The following KIAA1671 variants were observed in gnomAD, a reference collection of about 807,000 sequenced individuals.
KIAA1671 encodes the protein KIAA1671.
KIAA1671 carries 52 observed loss-of-function variants against 131.2 expected under a neutral mutation model. The ratio of observed to expected loss-of-function variants is 0.40; its 90% confidence interval spans 0.32 to 0.50. The LOEUF is 0.50. KIAA1671 is among the 20% of genes least tolerant of loss of function. KIAA1671 has a pLI of 0.73. For missense variants in KIAA1671, 2,360 were observed against 2,364.2 expected, an observed-to-expected ratio of 1.00 and a Z score of 0.04; for synonymous variants, 1,003 against 961.6, an observed-to-expected ratio of 1.04 and a Z score of -0.80.
chr22:25,020,371 C>T (rs1195345190), intron 1 of KIAA1671, among the ~76,000 whole-genome samples: 3 of 152,154 alleles, frequency 2.0e-5, no homozygotes, highest in East Asian at 1.9e-4. Flanking sequence ...TGAATATTGC[C>T]GAATTGCTTT....
Position 25,040,814 on chromosome 22 carries a change from G to A in KIAA1671, c.3684G>A (p.Glu1228=). The A allele has an allele frequency of 6.4e-7, 1 of 1,551,702 alleles. No homozygotes were observed. The highest frequency in any genetic ancestry group is 8.7e-7 in the Non-Finnish European group (1 of 1,146,996). Residue 1228 remains glutamate, a synonymous_variant, in exon 5 of 13, where the codon GAG becomes GAA. Transcript: ENST00000358431. ...EAQERRSPTV[E]PSTLPRERPV... is the part of the protein sequence containing the mutation. ...AGGAGAGGAGGAGTCCCACCGTGGA[G>A]CCCAGTACGTTGCCTCGGGAGAGGC...
chr22:25,028,914 A>T lies in KIAA1671; in HGVS notation c.915A>T (p.Gly305=). Residue 305 remains glycine (G), a synonymous_variant, in exon 3 of 13, where the codon GGA becomes GGT. Transcript: ENST00000358431. The stretch of plus-strand genomic sequence containing the variant: ...TGCTGAGGAAGGTGGCCGATGAAGG[A>T]AGTGGACCCACAGCAGGGGATATGG... ...EALLRKVADE[G]SGPTAGDMAG... is the part of the protein sequence containing the mutation. The T allele has an allele frequency of 6.4e-7, 1 of 1,551,596 alleles. No individual in the cohort carries two copies. Among genetic ancestry groups the T allele is most frequent in the Non-Finnish European group, 8.7e-7 (1 of 1,146,974 alleles).
intron 4 of KIAA1671, among the ~76,000 whole-genome samples, chr22:25,038,202 A>G (rs1926720632): frequency 6.6e-6 from 1 of 151,742 alleles, no homozygotes; most frequent in Non-Finnish European, 1.5e-5. Flanking sequence ...AGGTCTCACT[A>G]TTTTGCCCAG....
chr22:24,977,582 G>A (rs1041778747), intron 1 of KIAA1671, among the ~76,000 whole-genome samples: 12 of 152,180 alleles, frequency 7.9e-5, no homozygotes, highest in Non-Finnish European at 1.2e-4. Flanking sequence ...GCCCACCCTG[G>A]GGCTCCAAAG....
chr22:25,095,203 C>T (rs1002752061), intron 6 of KIAA1671, among the ~76,000 whole-genome samples: 14 of 152,166 alleles, frequency 9.2e-5, no homozygotes, highest in African/African-American at 3.4e-4. Context: ...AGGTACCATC[C>T]AGTTCACTCT....
intron 1 of KIAA1671, among the ~76,000 whole-genome samples, chr22:24,987,455 G>A (rs569984540): frequency 1.3e-5 from 2 of 152,092 alleles, no homozygotes; most frequent in Admixed American, 1.3e-4. Flanking sequence ...ACAGGTGTGA[G>A]CCACTGCGCC....
intron 1 of KIAA1671, among the ~76,000 whole-genome samples, chr22:25,019,680 A>T (rs1408812717): frequency 1.2e-4 from 14 of 112,822 alleles, no homozygotes; most frequent in Non-Finnish European, 7.2e-5. Flanking sequence ...CATGACCTTG[A>T]ATACAAAAAA....
chr22:25,060,281 C>G (rs1160295403), intron 6 of KIAA1671: 1 of 152,264 alleles, frequency 6.6e-6, no homozygotes, highest in Non-Finnish European at 1.5e-5. Context: ...TGCCTGAGTT[C>G]AAGTGATTCT....
chr22:25,050,406 A>G (rs1927473652), intron 6 of KIAA1671: 1 of 152,218 alleles, frequency 6.6e-6, no homozygotes, highest in East Asian at 1.9e-4. Flanking sequence ...CAGGGCTCCT[A>G]AGGCAGCGAC....
At position 25,173,458 on chromosome 22, in the gene KIAA1671, C is replaced by T. The variant is rs1346617543; in HGVS notation, c.4650-782C>T. Among the ~76,000 whole-genome samples, 4 of 152,126 alleles carry T rather than the reference C, an allele frequency of 2.6e-5. No homozygotes were observed. The South Asian group carries it at 6.2e-4, about 24-fold the overall frequency. On this transcript the variant is annotated intron_variant, in intron 7 of 12. Coordinates refer to ENST00000358431, the MANE Select transcript of KIAA1671 (RefSeq NM_001145206.2). ...AATAAGTGAATGAAATAATGCAGGT[C>T]CCACCACCTGCTCTTCCATAGGTAA... is the stretch of plus-strand genomic sequence containing the variant.
At chr22:25,004,529 G>T (rs1371114986) in intron 1 of KIAA1671, among the ~76,000 whole-genome samples, 2 of 152,176 alleles carry the variant, frequency 1.3e-5, no homozygotes, top group African/African-American at 4.8e-5. Flanking sequence ...ACAGTGAAAA[G>T]TCTCTCTCCC....
intron 5 of KIAA1671, among the ~76,000 whole-genome samples, chr22:25,046,792 A>C (rs1000076541): frequency 6.6e-6 from 1 of 152,178 alleles, no homozygotes; most frequent in African/African-American, 2.4e-5. Flanking sequence ...GGAGTAACAC[A>C]GGGAATCCTA....
At chr22:25,055,342 CAG>C (rs1927777230) in intron 6 of KIAA1671, 1 of 149,772 alleles carries the variant, frequency 6.7e-6, no homozygotes, top group Non-Finnish European at 1.5e-5. Context: ...AGTTGGTTGA[CAG>C]CGAGTCCAAA....
chr22:24,962,264 G>A lies in KIAA1671; in HGVS notation c.-208+9492G>A, dbSNP rs188347372. On this transcript the variant is annotated intron_variant, in intron 1 of 12. Transcript: ENST00000358431. Reference sequence around the variant, plus strand: ...TTGTGGGCCACGTGACTTTTGATCAGCCTCATCACATCCCTCAGCCTCAGT... The same window carrying A: ...TTGTGGGCCACGTGACTTTTGATCAACCTCATCACATCCCTCAGCCTCAGT... Among the ~76,000 whole-genome samples, 13 of 152,286 alleles carry A rather than the reference G, an allele frequency of 8.5e-5. No homozygotes were observed. The East Asian group carries it at 2.5e-3, about 29-fold the overall frequency.
chr22:25,157,767 C>T lies in KIAA1671; in HGVS notation c.4531-13053C>T, dbSNP rs1933293067. On this transcript the variant is annotated intron_variant, in intron 6 of 12. Transcript: ENST00000358431. ...TTGCACCTAAATGTATCACACAGGC[C>T]ACCCCAGTTTCACTGTCAGCACACT... Among the ~76,000 whole-genome samples the T allele has an allele frequency of 2.0e-5, 3 of 151,968 alleles. No homozygotes were observed. The South Asian group carries it at 6.2e-4, about 32-fold the overall frequency.
At chr22:25,183,415 T>C (rs1252919378) in intron 10 of KIAA1671, among the ~76,000 whole-genome samples, 1 of 151,152 alleles carries the variant, frequency 6.6e-6, no homozygotes, top group Non-Finnish European at 1.5e-5. Flanking sequence ...TTAGAGGTTT[T>C]CTGACTTTCT....
intron 1 of KIAA1671, among the ~76,000 whole-genome samples, chr22:25,015,748 T>G (rs1396898692): frequency 6.6e-6 from 1 of 152,296 alleles, no homozygotes; most frequent in Admixed American, 6.5e-5. Context: ...TGTCCTACCC[T>G]ACATCCCATG....
In KIAA1671 at chr22:25,028,824, G is replaced by A. The variant is rs1026248106; in HGVS notation, c.825G>A (p.Thr275=). Residue 275 remains threonine (T), a synonymous_variant, in exon 3 of 13, where the codon ACG becomes ACA. Coordinates refer to ENST00000358431, the MANE Select transcript of KIAA1671 (RefSeq NM_001145206.2). The part of the protein sequence containing the change: ...GKVPPTPPEK[T]WVRKPRPLSM... ...TGCCACCCACCCCTCCCGAGAAGAC[G>A]TGGGTGAGGAAGCCCAGGCCCTTGT... 2.1e-4 allele frequency: 328 copies of A among 1,550,966 alleles called. 2 individuals carry two copies. The African/African-American group carries it at 3.8e-3, about 18-fold the overall frequency.
At chr22:25,117,692 C>T (rs184105644) in intron 6 of KIAA1671, among the ~76,000 whole-genome samples, 1 of 151,470 alleles carries the variant, frequency 6.6e-6, no homozygotes, top group African/African-American at 2.4e-5. Flanking sequence ...GTATAGAACT[C>T]CTGCCTTCAG....
Sources: gnomAD v4.1 joint callset for allele counts (sites outside exome capture counted in the v4.1 genomes callset) on GRCh38, gnomAD v4.1.1 for gene constraint, MANE v1.5 for transcripts, NCBI Gene and HGNC (gene_info 2026-07-23, HGNC 2026-07-21) for gene names.